Variants in C6orf132 observed in about 807,000 individuals in gnomAD.
The protein encoded by C6orf132 is chromosome 6 open reading frame 132, also known as uncharacterized protein C6orf132.
In C6orf132, 43 loss-of-function variants were observed where a neutral mutation model predicts 65.3. The ratio of observed to expected loss-of-function variants is 0.66; its 90% CI spans 0.52 to 0.85. C6orf132 has a LOEUF of 0.85. Among genes scored for constraint, C6orf132 ranks in the 40% least tolerant of loss-of-function variants. The pLI, the probability that C6orf132 is intolerant of heterozygous loss-of-function variation, is 0.00. For synonymous variants in C6orf132, 631 were observed against 654.1 expected, an observed-to-expected ratio of 0.96 and a Z score of 0.54; for missense variants, 1,488 against 1,548.8, an observed-to-expected ratio of 0.96 and a Z score of 0.66.
chr6:42,111,480 C>G (rs559725247), intron 2 of C6orf132, among the ~76,000 whole-genome samples: 29 of 152,046 alleles, frequency 1.9e-4, no homozygotes, highest in Non-Finnish European at 4.0e-4. Context: ...GACGGGGTTT[C>G]ACCATGTTGG....
intron 2 of C6orf132, among the ~76,000 whole-genome samples, chr6:42,114,589 G>T (rs114601999): frequency 6.6e-6 from 1 of 152,212 alleles, no homozygotes; most frequent in South Asian, 2.1e-4. Context: ...GTGCACTGGC[G>T]TGGATGGTGA....
chr6:42,126,951 G>T, intron 2 of C6orf132: 1 of 294,932 alleles, frequency 3.4e-6, no homozygotes, highest in Non-Finnish European at 6.4e-6. Context: ...GTTAGGGGCT[G>T]ACTCATTTGG....
chr6:42,124,206 AGCCCCTGGT>A lies in C6orf132; in HGVS notation c.252+4457_252+4465del. The stretch of plus-strand genomic sequence containing the variant: ...GACTGGTGTCAGCTGCTGGAGTATT[AGCCCCTGGT>A]CCCATCCCAGCCACTGAGGGATCCC... On this transcript the variant is annotated intron_variant, in intron 2 of 4. Transcript: ENST00000341865. This position sits in a 1 kb window ranked among gnomAD's most constrained non-coding sequence, Gnocchi z 4.0. Among the ~76,000 whole-genome samples the A allele has an allele frequency of 6.6e-6, 1 of 152,316 alleles. No individual in the cohort carries two copies. Among genetic ancestry groups the A allele is most frequent in the Admixed American group, 6.5e-5 (1 of 15,298 alleles).
intron 1 of C6orf132, among the ~76,000 whole-genome samples, chr6:42,137,827 C>A (rs989997614): frequency 2.5e-4 from 1 of 4,012 alleles, no homozygotes; most frequent in Non-Finnish European, 5.8e-4. Context: ...GGGGGCGGGG[C>A]GGGGCGGGGC....
chr6:42,142,185 A>G (rs1767045692), intron 1 of C6orf132, 115 bp downstream of exon 1: 4 of 1,218,458 alleles, frequency 3.3e-6, no homozygotes, highest in Non-Finnish European at 4.5e-6. Context: ...GCTCTCGGCC[A>G]GTCCGCAGGT....
Position 42,105,448 on chromosome 6 carries a change from C to T in C6orf132, c.2464G>A (p.Glu822Lys), listed in dbSNP as rs1238242113. The T allele has an allele frequency of 6.5e-7, 1 of 1,534,926 alleles. No homozygotes were observed. Among genetic ancestry groups the T allele is most frequent in the East Asian group, 2.4e-5 (1 of 40,864 alleles). ...KPPASAQPTD[E>K]LLRHPVTGEV... Reference sequence around the variant, plus strand: ...CCAGTCACCGGGTGCCTGAGGAGTTCATCAGTGGGCTGGGCCGAGGCAGGA... The same window carrying T: ...CCAGTCACCGGGTGCCTGAGGAGTTTATCAGTGGGCTGGGCCGAGGCAGGA... The change falls in exon 4 of 5, where the codon GAA becomes AAA. Residue 822 changes from glutamate (E) to lysine (K), a missense_variant. Physicochemically the swap from Glu to Lys is moderately conservative, Grantham distance 56. Coordinates refer to ENST00000341865, the MANE Select transcript of C6orf132 (RefSeq NM_001164446.3).
intron 3 of C6orf132, 98 bp from the exon 4 acceptor site, chr6:42,107,681 GAGA>G: frequency 7.2e-7 from 1 of 1,385,998 alleles, no homozygotes; most frequent in South Asian, 1.3e-5. Context: ...GGGCACCCAA[GAGA>G]ATGACTGGAT....
At chr6:42,116,960 C>A (rs1766592661) in intron 2 of C6orf132, among the ~76,000 whole-genome samples, 1 of 152,202 alleles carries the variant, frequency 6.6e-6, no homozygotes. Flanking sequence ...CCTCTCCCAA[C>A]CCCCGAAAGT....
intron 2 of C6orf132, among the ~76,000 whole-genome samples, chr6:42,116,216 C>T (rs899703159): frequency 1.3e-5 from 2 of 152,080 alleles, no homozygotes; most frequent in Non-Finnish European, 2.9e-5. Context: ...GCATGAGCCA[C>T]TGTGCCCAGC....
chr6:42,142,120 C>T (rs1290745606), intron 1 of C6orf132, among the ~76,000 whole-genome samples, 180 bp downstream of exon 1: 1 of 152,078 alleles, frequency 6.6e-6, no homozygotes, highest in East Asian at 1.9e-4. Context: ...CCTCTCTCAC[C>T]GCACAGCCCT....
intron 2 of C6orf132, among the ~76,000 whole-genome samples, chr6:42,113,024 T>A (rs998490485): frequency 2.0e-5 from 3 of 152,058 alleles, no homozygotes; most frequent in Non-Finnish European, 4.4e-5. Context: ...GCCAACAACA[T>A]ACCTGTTCTC....
At position 42,124,181 on chromosome 6, in the gene C6orf132, G is replaced by T. The variant is rs1766732163; in HGVS notation, c.252+4491C>A. On this transcript the variant is annotated intron_variant, in intron 2 of 4. Coordinates refer to ENST00000341865, the MANE Select transcript of C6orf132 (RefSeq NM_001164446.3). This position sits in a 1 kb window ranked among gnomAD's most constrained non-coding sequence, Gnocchi z 4.0. ...CCCCGCATCCCAGCAGCAGAGCTGGGACTGGTGTCAGCTGCTGGAGTATTA... is the reference window on the plus strand; with the variant it reads ...CCCCGCATCCCAGCAGCAGAGCTGGTACTGGTGTCAGCTGCTGGAGTATTA... Among the ~76,000 whole-genome samples the T allele has an allele frequency of 6.6e-6, 1 of 152,230 alleles. No individual in the cohort carries two copies. Among genetic ancestry groups the T allele is most frequent in the African/African-American group, 2.4e-5 (1 of 41,476 alleles).
Position 42,106,155 on chromosome 6 carries a change from A to C in C6orf132, c.1757T>G (p.Ile586Arg), listed in dbSNP as rs1245533227. ...SAAEKEAKPS[I>R]GSLPPKPRLE... ...CCGAGGCTTAGGGGGCAGAGATCCT[A>C]TGCTGGGCTTAGCCTCCTTCTCTGC... The change falls in exon 4 of 5, where the codon ATA (isoleucine) becomes AGA (arginine). Residue 586 changes from isoleucine (I) to arginine (R), a missense_variant. Physicochemically the swap from Ile to Arg is moderately conservative, Grantham distance 97. Coordinates refer to ENST00000341865, the MANE Select transcript of C6orf132 (RefSeq NM_001164446.3). The C allele has an allele frequency of 6.5e-7, 1 of 1,537,070 alleles. No individual in the cohort carries two copies. Among genetic ancestry groups the C allele is most frequent in the African/African-American group, 1.4e-5 (1 of 73,006 alleles).
intron 2 of C6orf132, among the ~76,000 whole-genome samples, chr6:42,116,945 A>T (rs1482836803): frequency 1.3e-5 from 2 of 152,174 alleles, no homozygotes; most frequent in Admixed American, 6.5e-5. Context: ...ATCCAGCTAC[A>T]TCTGCCTCTC....
rs59373265 is a variant in C6orf132, at chr6:42,138,850, AAC to A, written c.145+3448_145+3449del. Reference sequence around the variant, plus strand: ...ACATCTCTGCTTTCTCATGCATTTAAACACACACACACACACACACACACACA... The same window carrying A: ...ACATCTCTGCTTTCTCATGCATTTAAACACACACACACACACACACACACA... On this transcript the variant is annotated intron_variant, in intron 1 of 4. Coordinates refer to ENST00000341865, the MANE Select transcript of C6orf132 (RefSeq NM_001164446.3). 4.9e-4 allele frequency among the ~76,000 whole-genome samples: 70 copies of A among 142,854 alleles called. 1 individual carries two copies. In the East Asian group the frequency reaches 6.5e-3, roughly 13 times the overall value. 93.7% of individuals were successfully genotyped at this position (142,854 alleles called of 152,430 possible).
At chr6:42,134,994 C>G (rs959190617) in intron 1 of C6orf132, among the ~76,000 whole-genome samples, 18 of 152,066 alleles carry the variant, frequency 1.2e-4, no homozygotes, top group Non-Finnish European at 2.9e-5. Flanking sequence ...GAGTGAGACT[C>G]TGTCTCAAAA....
intron 2 of C6orf132, among the ~76,000 whole-genome samples, chr6:42,122,213 C>T (rs1766699590): frequency 6.6e-6 from 1 of 152,202 alleles, no homozygotes; most frequent in African/African-American, 2.4e-5. Flanking sequence ...CCCAGGTTAC[C>T]ACAGCTTCTG....
chr6:42,135,786 C>G (rs1314497690), intron 1 of C6orf132, among the ~76,000 whole-genome samples: 1 of 152,206 alleles, frequency 6.6e-6, no homozygotes, highest in Non-Finnish European at 1.5e-5. Flanking sequence ...GGGGGAAGTA[C>G]CCTTATTATT....
chr6:42,125,625 G>A (rs1766752509), intron 2 of C6orf132, among the ~76,000 whole-genome samples: 1 of 152,216 alleles, frequency 6.6e-6, no homozygotes. Flanking sequence ...CCTCACCAGT[G>A]AGGGGGTGTG....
Sources: gnomAD v4.1 joint callset for allele counts (sites outside exome capture counted in the v4.1 genomes callset) on GRCh38, gnomAD v4.1.1 for gene constraint, Gnocchi (gnomAD v3.1) non-coding constraint, MANE v1.5 for transcripts, NCBI Gene and HGNC (gene_info 2026-07-23, HGNC 2026-07-21) for gene names.